COL25A1: variants seen among roughly 807,000 people sequenced by gnomAD.
The protein encoded by COL25A1 is collagen type XXV alpha 1 chain.
Under a neutral mutation model 128.4 loss-of-function variants are expected in COL25A1, and 103 were observed. That is an observed-to-expected ratio of 0.80 (90% CI 0.68 to 0.94). The LOEUF is 0.94. Ranked by LOEUF, COL25A1 falls within the 40% of genes least tolerant of loss-of-function variation. The pLI is 0.00. For synonymous variants in COL25A1, 279 were observed against 277.2 expected (o/e 1.01, Z -0.06); for missense variants, 745 against 840.0 (o/e 0.89, Z 1.40).
chr4:109,222,928 T>C (rs1325767493), intron 3 of COL25A1, among the ~76,000 whole-genome samples: 1 of 152,240 alleles, frequency 6.6e-6, no homozygotes, highest in Non-Finnish European at 1.5e-5. Context: ...CCAAATCAAA[T>C]TGATTTCCTA....
intron 28 of COL25A1, 89 bp downstream of exon 28, chr4:108,846,050 C>T: frequency 1.2e-6 from 1 of 831,562 alleles, no homozygotes; most frequent in Admixed American, 2.1e-5. Flanking sequence ...GAGATTGCAG[C>T]TAATAATATA....
At chr4:109,229,139 G>C (rs1778996748) in intron 3 of COL25A1, among the ~76,000 whole-genome samples, 1 of 150,984 alleles carries the variant, frequency 6.6e-6, no homozygotes, top group South Asian at 2.1e-4. Context: ...AAGTTCTGGG[G>C]TACCCCTCTC....
intron 6 of COL25A1, among the ~76,000 whole-genome samples, chr4:108,976,600 T>A (rs1752468243): frequency 6.6e-6 from 1 of 152,182 alleles, no homozygotes; most frequent in African/African-American, 2.4e-5. Flanking sequence ...TCACCTCCAT[T>A]TTCAGCAGGG....
intron 19 of COL25A1, among the ~76,000 whole-genome samples, chr4:108,879,393 T>TC (rs397708552): frequency 2.6e-5 from 4 of 151,884 alleles, no homozygotes; most frequent in Admixed American, 6.6e-5. Flanking sequence ...TGTTTTTTTT[T>TC]CCCCCAATTT....
intron 36 of COL25A1, among the ~76,000 whole-genome samples, 174 bp from the exon 37 acceptor site, chr4:108,817,609 G>T (rs1731364520): frequency 1.3e-5 from 2 of 152,074 alleles, no homozygotes; most frequent in South Asian, 4.1e-4. Context: ...GTAAAATAAA[G>T]AAAATTCAAA....
intron 3 of COL25A1, among the ~76,000 whole-genome samples, chr4:109,202,995 T>C (rs1776693799): frequency 6.7e-6 from 1 of 149,632 alleles, no homozygotes; most frequent in Admixed American, 6.6e-5. Flanking sequence ...AGTAAAGGGG[T>C]GTAAAAAAAA....
At chr4:108,838,715 C>T (rs978155746) in intron 31 of COL25A1, among the ~76,000 whole-genome samples, 1 of 152,166 alleles carries the variant, frequency 6.6e-6, no homozygotes, top group Non-Finnish European at 1.5e-5. Flanking sequence ...AGTCAGATCC[C>T]TACATGGACT....
At chr4:108,912,699 A>G (rs1256957597) in intron 13 of COL25A1, among the ~76,000 whole-genome samples, 1 of 152,194 alleles carries the variant, frequency 6.6e-6, no homozygotes, top group Non-Finnish European at 1.5e-5. Context: ...TGGGGGATAA[A>G]AAATATTGGA....
chr4:108,984,539 G>A (rs1009510864), intron 6 of COL25A1, among the ~76,000 whole-genome samples: 24 of 152,318 alleles, frequency 1.6e-4, no homozygotes, highest in Middle Eastern at 3.4e-3. Context: ...GCCCTGCCCC[G>A]CGGGAAGGCA....
intron 19 of COL25A1, among the ~76,000 whole-genome samples, chr4:108,869,610 A>C (rs1282710099): frequency 6.6e-6 from 1 of 152,210 alleles, no homozygotes. Flanking sequence ...TCAGAGAATC[A>C]GAGAGGTAGA....
intron 3 of COL25A1, among the ~76,000 whole-genome samples, chr4:109,074,113 T>C (rs1242404795): frequency 6.6e-6 from 1 of 152,138 alleles, no homozygotes; most frequent in East Asian, 1.9e-4. Context: ...GCATGCAACC[T>C]AGATCCCTCA....
At chr4:108,898,407 T>C (rs1402521695) in intron 15 of COL25A1, among the ~76,000 whole-genome samples, 1 of 152,208 alleles carries the variant, frequency 6.6e-6, no homozygotes, top group Non-Finnish European at 1.5e-5. Context: ...ACAAAGAGCA[T>C]GATGTAGTAA....
intron 3 of COL25A1, among the ~76,000 whole-genome samples, chr4:109,193,528 G>T (rs891720469): frequency 2.0e-5 from 3 of 152,166 alleles, no homozygotes; most frequent in Admixed American, 6.5e-5. Flanking sequence ...CCTAAAGCTT[G>T]CAGGCAAAGT....
chr4:109,121,394 T>C (rs1768090673), intron 3 of COL25A1, among the ~76,000 whole-genome samples: 1 of 152,028 alleles, frequency 6.6e-6, no homozygotes, highest in African/African-American at 2.4e-5. Context: ...AGGGTGATTA[T>C]CTCAAATATA....
At chr4:109,030,404 T>A (rs1465660993) in intron 5 of COL25A1, among the ~76,000 whole-genome samples, 2 of 152,106 alleles carry the variant, frequency 1.3e-5, no homozygotes, top group Non-Finnish European at 2.9e-5. Flanking sequence ...TAGCCTCTAG[T>A]GCATCTCCAG....
intron 6 of COL25A1, among the ~76,000 whole-genome samples, chr4:109,007,634 A>G (rs1426737653): frequency 6.6e-6 from 1 of 152,236 alleles, no homozygotes; most frequent in Non-Finnish European, 1.5e-5. Context: ...CATCCACTAA[A>G]GGCAAACTGG....
At chr4:109,240,233 T>C (rs1353477905) in intron 3 of COL25A1, among the ~76,000 whole-genome samples, 3 of 152,148 alleles carry the variant, frequency 2.0e-5, no homozygotes, top group African/African-American at 4.8e-5. Flanking sequence ...TGTGCATAAC[T>C]GTATGTGCTA....
chr4:109,182,024 G>A (rs573713079), intron 3 of COL25A1, among the ~76,000 whole-genome samples: 12 of 152,086 alleles, frequency 7.9e-5, no homozygotes, highest in South Asian at 2.1e-4. Context: ...CACAAATGCC[G>A]AATTTCCTCC....
intron 3 of COL25A1, among the ~76,000 whole-genome samples, chr4:109,230,017 G>T (rs1779059691): frequency 6.6e-6 from 1 of 152,020 alleles, no homozygotes; most frequent in Non-Finnish European, 1.5e-5. Flanking sequence ...AGCAAGGGGT[G>T]GGGAGGTGCC....
Sources: allele counts gnomAD v4.1 joint callset (sites outside exome capture counted in the v4.1 genomes callset), GRCh38; gene constraint gnomAD v4.1.1; transcripts MANE v1.5; gene names NCBI Gene and HGNC (gene_info 2026-07-23, HGNC 2026-07-21).